Variants in CACNG8 observed in about 807,000 individuals in gnomAD.
The protein encoded by CACNG8 is calcium voltage-gated channel auxiliary subunit gamma 8.
In CACNG8, 5 loss-of-function variants were observed where a neutral mutation model predicts 26.9. The observed-to-expected ratio is 0.19, with a 90% CI of 0.10 to 0.39. CACNG8 has a LOEUF of 0.39. Ranked by LOEUF, CACNG8 falls within the 10% of genes least tolerant of loss-of-function variation. The pLI is 1.00. For synonymous variants in CACNG8, 321 were observed against 296.7 expected (o/e 1.08, Z -0.84); for missense variants, 473 against 609.4 (o/e 0.78, Z 2.36).
Position 53,982,043 on chromosome 19 carries a change from G to T in CACNG8, c.509-37G>T, listed in dbSNP as rs1484608605. Reference sequence around the variant, plus strand: ...GCCGGGGGCGGGGGCGGGGCCGGGGGTGGCCTCGAGGCTCCCGTCTGACCG... The same window carrying T: ...GCCGGGGGCGGGGGCGGGGCCGGGGTTGGCCTCGAGGCTCCCGTCTGACCG... On this transcript the variant is annotated intron_variant, in intron 3 of 3. Coordinates refer to ENST00000270458, the MANE Select transcript of CACNG8 (RefSeq NM_031895.6). The surrounding 1 kb of genome is among the most constrained non-coding windows in gnomAD (Gnocchi z 8.4). 1 of 1,520,276 alleles carries T rather than the reference G, an allele frequency of 6.6e-7. No homozygotes were observed. Among genetic ancestry groups the T allele is most frequent in the Non-Finnish European group, 8.8e-7 (1 of 1,137,460 alleles). The allele number at this position is 1,520,276 out of a possible 1,614,324, so 94.2% of individuals were successfully genotyped here.
intron 1 of CACNG8, among the ~76,000 whole-genome samples, chr19:53,977,286 G>A (rs1600032866): frequency 6.6e-6 from 1 of 152,216 alleles, no homozygotes; most frequent in East Asian, 1.9e-4. Context: ...GAGCTGGAAT[G>A]TTCCACAGCA....
intron 2 of CACNG8, 73 bp downstream of exon 2, chr19:53,978,302 C>G (rs2069342228): frequency 2.5e-6 from 3 of 1,196,928 alleles, no homozygotes; most frequent in East Asian, 4.9e-5. Context: ...GGGTGGGTGC[C>G]GGGAAAAGGC....
rs1294811024 is a variant in CACNG8, at chr19:53,982,993, GC to G, written c.*150del. On this transcript the variant is annotated 3_prime_UTR_variant, in exon 4 of 4. Coordinates refer to ENST00000270458, the MANE Select transcript of CACNG8 (RefSeq NM_031895.6). The surrounding 1 kb of genome is among the most constrained non-coding windows in gnomAD (Gnocchi z 8.4). Reference sequence around the variant, plus strand: ...GGCCCGCCCCACGCCCACCCTCCCCGCCCCCCTCCCCCTCCGAAGCAGGGAC... The same window carrying G: ...GGCCCGCCCCACGCCCACCCTCCCCGCCCCCTCCCCCTCCGAAGCAGGGAC... 7 of 406,736 alleles carry G rather than the reference GC, an allele frequency of 1.7e-5. No homozygotes were observed. The highest frequency in any genetic ancestry group is 5.1e-5 in the Admixed American group (1 of 19,462). 25.2% of individuals were successfully genotyped at this position (406,736 alleles called of 1,614,324 possible).
At chr19:53,979,171 A>C (rs2069348859) in intron 2 of CACNG8, among the ~76,000 whole-genome samples, 1 of 130,384 alleles carries the variant, frequency 7.7e-6, no homozygotes, top group South Asian at 3.0e-4. Context: ...AGAGAGACTT[A>C]GGAAGACAGA....
At chr19:53,978,018 C>A (rs2069340133) in intron 1 of CACNG8, 128 bp from the exon 2 acceptor site, 1 of 631,984 alleles carries the variant, frequency 1.6e-6, no homozygotes, top group Non-Finnish European at 2.9e-6. Flanking sequence ...GGAGCCAGGA[C>A]TTGCGGTCTC....
intron 1 of CACNG8, among the ~76,000 whole-genome samples, chr19:53,965,980 C>T (rs749213883): frequency 5.3e-5 from 8 of 152,044 alleles, no homozygotes; most frequent in Non-Finnish European, 8.8e-5. Context: ...AGTGTGAGGT[C>T]AGCGTGGCCG....
chr19:53,979,825 G>A (rs2069353368), intron 2 of CACNG8, 42 bp from the exon 3 acceptor site: 11 of 1,534,228 alleles, frequency 7.2e-6, no homozygotes, highest in Non-Finnish European at 7.9e-6. Context: ...GCGTCTGACC[G>A]CCCTCGCTCT....
At chr19:53,967,905 T>G (rs2069280489) in intron 1 of CACNG8, among the ~76,000 whole-genome samples, 1 of 152,216 alleles carries the variant, frequency 6.6e-6, no homozygotes, top group Non-Finnish European at 1.5e-5. Flanking sequence ...TTTGACATTT[T>G]CTCAATCATT....
chr19:53,982,777 C>T lies in CACNG8; in HGVS notation c.1206C>T (p.Ala402=), dbSNP rs1353627648. The T allele has an allele frequency of 1.5e-6, 2 of 1,342,146 alleles. No individual in the cohort carries two copies. The highest frequency in any genetic ancestry group is 3.0e-5 in the Admixed American group (1 of 33,848). 83.1% of individuals were successfully genotyped at this position (1,342,146 alleles called of 1,614,324 possible). Residue 402 remains alanine, a synonymous_variant, in exon 4 of 4, where the codon GCC becomes GCT. Transcript: ENST00000270458. This position sits in a 1 kb window ranked among gnomAD's most constrained non-coding sequence, Gnocchi z 8.4. ...CGCCACCCGCGCCCTCTGCGCCCGC[C>T]CCCGGGACCCTGGCCAAGGAGGCCG...
intron 1 of CACNG8, among the ~76,000 whole-genome samples, chr19:53,967,724 A>G (rs755699551): frequency 3.9e-5 from 6 of 152,180 alleles, no homozygotes; most frequent in Non-Finnish European, 7.4e-5. Context: ...AGTCCCAGCT[A>G]CTTGGTAGGC....
intron 1 of CACNG8, 151 bp from the exon 2 acceptor site, chr19:53,977,995 C>T (rs996205692): frequency 1.7e-6 from 1 of 603,760 alleles, no homozygotes; most frequent in East Asian, 2.8e-5. Context: ...TCCCATATCA[C>T]GAGTCGGGCT....
chr19:53,980,377 A>G (rs73602038), intron 3 of CACNG8, among the ~76,000 whole-genome samples: 2,338 of 150,712 alleles, frequency 0.016, 65 homozygotes, highest in African/African-American at 0.055. Flanking sequence ...TCTTGAGGAT[A>G]GAGAGGCGGG....
In CACNG8 at chr19:53,986,719, CAGTG is replaced by C. The variant is rs759850010; in HGVS notation, c.*3875_*3878del. The stretch of plus-strand genomic sequence containing the variant: ...CGCCACTGCACTCCAGCCTGGGCGA[CAGTG>C]AGTGGTAACAGAATGACAGAGCAAG... On this transcript the variant is annotated 3_prime_UTR_variant, in exon 4 of 4. Transcript: ENST00000270458. 3 of 152,334 alleles carry C rather than the reference CAGTG, an allele frequency of 2.0e-5. No individual in the cohort carries two copies. Among genetic ancestry groups the C allele is most frequent in the Non-Finnish European group, 4.4e-5 (3 of 68,150 alleles). The allele number at this position is 152,334 out of a possible 1,614,324, so 9.4% of individuals were successfully genotyped here.
intron 2 of CACNG8, among the ~76,000 whole-genome samples, chr19:53,979,035 G>A (rs1437027258): frequency 1.4e-5 from 2 of 138,660 alleles, no homozygotes; most frequent in Non-Finnish European, 3.1e-5. Context: ...GACCTAGGAA[G>A]ACAGATGAGG....
rs2069389774 is a variant in CACNG8 at position 53,983,680 on chromosome 19, G to C, written c.*831G>C. 1 of 152,366 alleles carries C rather than the reference G, an allele frequency of 6.6e-6. No homozygotes were observed. Among genetic ancestry groups the C allele is most frequent in the South Asian group, 2.1e-4 (1 of 4,830 alleles). The allele number at this position is 152,366 out of a possible 1,614,324, so 9.4% of individuals were successfully genotyped here. A position where few individuals can be genotyped will look rare whatever the true frequency, so the allele number is the denominator to read the frequency against. Reference sequence around the variant, plus strand: ...CGAGATGCTATGAAATGCTCCATCAGGGGAGCCTAACCCAGTTGTGAGGAA... The same window carrying C: ...CGAGATGCTATGAAATGCTCCATCACGGGAGCCTAACCCAGTTGTGAGGAA... On this transcript the variant is annotated 3_prime_UTR_variant, in exon 4 of 4. Transcript: ENST00000270458.
chr19:53,972,361 C>CTTTTTTTTTT (rs577196456), intron 1 of CACNG8, among the ~76,000 whole-genome samples: 4 of 106,288 alleles, frequency 3.8e-5, no homozygotes, highest in Non-Finnish European at 5.5e-5. Context: ...TTCTTCTTTT[C>CTTTTTTTTTT]TTTTTTTTTT....
At chr19:53,966,368 G>A (rs2069272499) in intron 1 of CACNG8, among the ~76,000 whole-genome samples, 1 of 152,112 alleles carries the variant, frequency 6.6e-6, no homozygotes, top group South Asian at 2.1e-4. Flanking sequence ...GATTACAGAT[G>A]TGAGCCACCA....
At chr19:53,971,602 T>C (rs776165352) in intron 1 of CACNG8, among the ~76,000 whole-genome samples, 1 of 152,202 alleles carries the variant, frequency 6.6e-6, no homozygotes, top group Non-Finnish European at 1.5e-5. Flanking sequence ...CGAGGTCTTC[T>C]CTCAGGACTC....
chr19:53,965,854 G>T (rs1288098054), intron 1 of CACNG8, among the ~76,000 whole-genome samples: 1 of 151,996 alleles, frequency 6.6e-6, no homozygotes, highest in Non-Finnish European at 1.5e-5. Flanking sequence ...CCCCGAGCAG[G>T]TGACATTTGA....
Sources: allele counts gnomAD v4.1 joint callset (sites outside exome capture counted in the v4.1 genomes callset), GRCh38; gene constraint gnomAD v4.1.1; non-coding constraint Gnocchi (gnomAD v3.1); transcripts MANE v1.5; gene names NCBI Gene and HGNC (gene_info 2026-07-23, HGNC 2026-07-21).